Variants in IMMP2L observed in about 807,000 individuals in gnomAD.
The protein encoded by IMMP2L is mitochondrial inner membrane protease subunit 2.
Under a neutral mutation model 19.3 loss-of-function variants are expected in IMMP2L, and 18 were observed. That is an observed-to-expected ratio of 0.93 (90% CI 0.64 to 1.38). IMMP2L has a LOEUF of 1.38. Among genes scored for constraint, IMMP2L ranks in the 40% most tolerant of loss-of-function variants. The pLI is 0.00. For missense variants in IMMP2L, 233 were observed against 218.2 expected (o/e 1.07, Z -0.43); for synonymous variants, 76 against 73.0 (o/e 1.04, Z -0.21).
At chr7:110,867,796 C>T (rs17158074) in intron 5 of IMMP2L, among the ~76,000 whole-genome samples, 6,671 of 152,014 alleles carry the variant, frequency 0.044, 475 homozygotes, top group African/African-American at 0.15. Flanking sequence ...CAAGCTCTTA[C>T]ATTTCAAAAA....
chr7:111,365,888 T>G lies in IMMP2L; in HGVS notation c.239+121350A>C, dbSNP rs372401243. Reference sequence around the variant, plus strand: ...TTTTTTAAAACCTATCACAAAGACTTAGAATTATAAACCACCAGTAAAAAA... The same window carrying G: ...TTTTTTAAAACCTATCACAAAGACTGAGAATTATAAACCACCAGTAAAAAA... On this transcript the variant is annotated intron_variant, in intron 3 of 5. Coordinates refer to ENST00000405709, the MANE Select transcript of IMMP2L (RefSeq NM_032549.4). Among the ~76,000 whole-genome samples the G allele has an allele frequency of 5.9e-5, 9 of 152,084 alleles. No individual in the cohort carries two copies. The East Asian group carries it at 1.7e-3, about 29-fold the overall frequency.
At chr7:111,116,913 T>C (rs1799945518) in intron 3 of IMMP2L, among the ~76,000 whole-genome samples, 1 of 152,174 alleles carries the variant, frequency 6.6e-6, no homozygotes, top group African/African-American at 2.4e-5. Context: ...GACTGAGCTT[T>C]AGAGGCAAAA....
chr7:111,484,906 C>T (rs1210011063), intron 3 of IMMP2L, among the ~76,000 whole-genome samples: 2 of 152,054 alleles, frequency 1.3e-5, no homozygotes, highest in African/African-American at 2.4e-5. Context: ...CCTACCTCAG[C>T]CTCCCAGGTA....
intron 3 of IMMP2L, among the ~76,000 whole-genome samples, chr7:111,443,570 G>T (rs912536473): frequency 6.6e-6 from 1 of 152,160 alleles, no homozygotes; most frequent in Non-Finnish European, 1.5e-5. Flanking sequence ...ATCCTAGTGT[G>T]CTGCTTTACA....
intron 4 of IMMP2L, among the ~76,000 whole-genome samples, 184 bp downstream of exon 4, chr7:110,963,316 G>T (rs1286295957): frequency 6.6e-6 from 1 of 151,842 alleles, no homozygotes; most frequent in African/African-American, 2.4e-5. Flanking sequence ...AATATGATCA[G>T]TAAGTTTATC....
intron 5 of IMMP2L, among the ~76,000 whole-genome samples, chr7:110,782,064 C>T (rs894288165): frequency 2.0e-5 from 3 of 151,806 alleles, no homozygotes; most frequent in Non-Finnish European, 4.4e-5. Flanking sequence ...AGCCGCTAGC[C>T]GAGTCAGCCC....
chr7:111,128,170 T>G (rs1479060392), intron 3 of IMMP2L, among the ~76,000 whole-genome samples: 1 of 152,206 alleles, frequency 6.6e-6, no homozygotes, highest in Non-Finnish European at 1.5e-5. Flanking sequence ...TTTAATTATC[T>G]TTTGTTTATA....
intron 3 of IMMP2L, among the ~76,000 whole-genome samples, chr7:111,087,325 T>G (rs932957950): frequency 2.6e-5 from 4 of 151,898 alleles, no homozygotes; most frequent in African/African-American, 9.7e-5. Context: ...GGCACGCGCC[T>G]ATAGTCCCAG....
At chr7:111,237,968 T>C (rs1814536383) in intron 3 of IMMP2L, among the ~76,000 whole-genome samples, 2 of 152,104 alleles carry the variant, frequency 1.3e-5, no homozygotes, top group African/African-American at 4.8e-5. Context: ...GCACCTAACA[T>C]AGTATTTGGC....
intron 2 of IMMP2L, among the ~76,000 whole-genome samples, chr7:111,518,138 C>T (rs1011454499): frequency 2.0e-5 from 3 of 151,946 alleles, no homozygotes; most frequent in Non-Finnish European, 4.4e-5. Context: ...CAAATTAATA[C>T]TGAAAATCCT....
intron 3 of IMMP2L, among the ~76,000 whole-genome samples, chr7:111,236,163 T>C (rs1034059348): frequency 3.3e-5 from 5 of 152,112 alleles, no homozygotes; most frequent in African/African-American, 9.7e-5. Context: ...TTTTAACTGA[T>C]TGATGTTCTC....
In IMMP2L at chr7:111,442,348, T is replaced by C. The variant is rs145720515; in HGVS notation, c.239+44890A>G. ...ACTGTAGGAAGTTATAGCCAAAAAC[T>C]ATTCCAGGTTATTTGCCATTTCAAT... is the stretch of plus-strand genomic sequence containing the variant. On this transcript the variant is annotated intron_variant, in intron 3 of 5. Coordinates refer to ENST00000405709, the MANE Select transcript of IMMP2L (RefSeq NM_032549.4). 5.7e-4 allele frequency among the ~76,000 whole-genome samples: 87 copies of C among 151,850 alleles called. 4 individuals carry two copies. Among genetic ancestry groups the C allele is most frequent in the African/African-American group, 2.0e-3 (81 of 41,192 alleles).
intron 5 of IMMP2L, among the ~76,000 whole-genome samples, chr7:110,813,676 A>C (rs1285480536): frequency 1.3e-5 from 2 of 151,992 alleles, no homozygotes; most frequent in East Asian, 3.9e-4. Flanking sequence ...TGTTAACTGT[A>C]GATAAAAATA....
chr7:110,999,460 T>C (rs2129560984), intron 3 of IMMP2L, among the ~76,000 whole-genome samples: 1 of 152,066 alleles, frequency 6.6e-6, no homozygotes, highest in East Asian at 1.9e-4. Flanking sequence ...TGTTGTTTTC[T>C]AGTGTTATTG....
chr7:111,159,099 T>C (rs1804967713), intron 3 of IMMP2L, among the ~76,000 whole-genome samples: 1 of 152,102 alleles, frequency 6.6e-6, no homozygotes, highest in African/African-American at 2.4e-5. Flanking sequence ...TATTTTCGGT[T>C]CAAGTTGATG....
chr7:111,402,999 C>G lies in IMMP2L; in HGVS notation c.239+84239G>C, dbSNP rs527340931. ...GGCTCACTGCAGCCTTGACCCCCCC[C>G]CCCCACCCCGCCAGGCTCAGGTGAT... On this transcript the variant is annotated intron_variant, in intron 3 of 5. Coordinates refer to ENST00000405709, the MANE Select transcript of IMMP2L (RefSeq NM_032549.4). Among the ~76,000 whole-genome samples the G allele has an allele frequency of 2.2e-3, 229 of 102,866 alleles. 7 individuals are homozygous for G. The South Asian group carries it at 0.046, about 20-fold the overall frequency. 67.5% of individuals were successfully genotyped at this position (102,866 alleles called of 152,430 possible). A position where few individuals can be genotyped will look rare whatever the true frequency, so the allele number is the denominator to read the frequency against.
intron 5 of IMMP2L, among the ~76,000 whole-genome samples, chr7:110,794,468 T>C (rs970948876): frequency 6.6e-6 from 1 of 152,114 alleles, no homozygotes; most frequent in Non-Finnish European, 1.5e-5. Flanking sequence ...GACAGTTTTG[T>C]TTTAGTGCCG....
chr7:110,899,107 A>G (rs1811608424), intron 4 of IMMP2L, among the ~76,000 whole-genome samples: 1 of 152,106 alleles, frequency 6.6e-6, no homozygotes, highest in South Asian at 2.1e-4. Context: ...TGATTATGAA[A>G]CTATTTGATC....
intron 5 of IMMP2L, among the ~76,000 whole-genome samples, chr7:110,816,657 G>A (rs1802548474): frequency 6.7e-6 from 1 of 150,354 alleles, no homozygotes; most frequent in Non-Finnish European, 1.5e-5. Flanking sequence ...CTCCTGTATT[G>A]GGTGCATATA....
Sources: allele counts gnomAD v4.1 joint callset (sites outside exome capture counted in the v4.1 genomes callset), GRCh38; gene constraint gnomAD v4.1.1; transcripts MANE v1.5; gene names NCBI Gene and HGNC (gene_info 2026-07-23, HGNC 2026-07-21).